MAK: variants seen among roughly 807,000 people sequenced by gnomAD.
The protein encoded by MAK is serine/threonine-protein kinase MAK.
MAK carries 65 observed loss-of-function variants against 82.6 expected under a neutral mutation model. The ratio of observed to expected loss-of-function variants is 0.79; its 90% CI spans 0.64 to 0.97. The LOEUF (loss-of-function observed/expected upper bound fraction) is 0.97. Among genes scored for constraint, MAK ranks in the 50% least tolerant of loss-of-function variants. MAK has a pLI of 0.00. For synonymous variants in MAK, 250 were observed against 274.2 expected (o/e 0.91, Z 0.87); for missense variants, 703 against 780.2 (o/e 0.90, Z 1.18).
intron 8 of MAK, among the ~76,000 whole-genome samples, chr6:10,801,057 C>T (rs950964454): frequency 6.8e-6 from 1 of 146,872 alleles, no homozygotes; most frequent in Non-Finnish European, 1.5e-5. Context: ...AGTACTTCCA[C>T]TGTTACCATC....
Position 10,770,089 on chromosome 6 carries a change from CTG to C in MAK, c.1792+20_1792+21del, listed in dbSNP as rs765829552. The stretch of plus-strand genomic sequence containing the variant: ...TCCTTTCTGCTAGGAATCTAGAAAA[CTG>C]TATCTGAAGTTGTTCCTACCTGAAG... On this transcript the variant is annotated intron_variant, in intron 14 of 14. Transcript: ENST00000354489. The C allele has an allele frequency of 1.5e-5, 24 of 1,614,016 alleles. No individual in the cohort carries two copies. The highest frequency in any genetic ancestry group is 1.9e-5 in the Non-Finnish European group (22 of 1,180,006).
In MAK at chr6:10,791,837, C is replaced by A; in HGVS notation, c.1154G>T (p.Gly385Val). Residue 385 changes from glycine (G) to valine (V), a missense_variant, in exon 10 of 15, where the codon GGC becomes GTC. By Grantham distance (109) the Gly-to-Val change is moderately radical (BLOSUM62 -3). Transcript: ENST00000354489. ...IVKNMPTKPN[G>V]TLSHKSGRRR... ...CCTACCACTTTTATGACTCAGTGTG[C>A]CATTTGGCTTCTGTGGTGGAAAATC... is the stretch of plus-strand genomic sequence containing the variant. The A allele has an allele frequency of 1.2e-6, 2 of 1,614,112 alleles. No homozygotes were observed. The highest frequency in any genetic ancestry group is 1.7e-6 in the Non-Finnish European group (2 of 1,180,022).
intron 4 of MAK, among the ~76,000 whole-genome samples, chr6:10,814,916 A>G (rs1481519768): frequency 6.6e-6 from 1 of 152,078 alleles, no homozygotes; most frequent in Non-Finnish European, 1.5e-5. Context: ...ACATGCCTGT[A>G]ATCCCAGCTA....
Position 10,772,299 on chromosome 6 carries a change from G to A in MAK, c.1672+735C>T, listed in dbSNP as rs576008425. ...GAAACCAGTAACACTGAACCCCTAG[G>A]AAATCCACCATCTCTATTAACCCAG... is the stretch of plus-strand genomic sequence containing the variant. On this transcript the variant is annotated intron_variant, in intron 13 of 14. Transcript: ENST00000354489. Among the ~76,000 whole-genome samples the A allele has an allele frequency of 1.8e-3, 274 of 151,922 alleles. 1 individual carries two copies. Among genetic ancestry groups the A allele is most frequent in the African/African-American group, 6.0e-3 (248 of 41,436 alleles).
chr6:10,808,793 G>A lies in MAK; in HGVS notation c.491+17C>T. 5 of 1,613,082 alleles carry A rather than the reference G, an allele frequency of 3.1e-6. No homozygotes were observed. Among genetic ancestry groups the A allele is most frequent in the Non-Finnish European group, 4.2e-6 (5 of 1,179,236 alleles). ...CATAGGCTTATGCCTCAGGAGGGCT[G>A]CATAACCCCTACTCACCATCTGGTA... On this transcript the variant is annotated intron_variant, in intron 6 of 14. Coordinates refer to ENST00000354489, the MANE Select transcript of MAK (RefSeq NM_001242957.3).
At chr6:10,769,687 A>G (rs981907670) in intron 14 of MAK, among the ~76,000 whole-genome samples, 1 of 152,202 alleles carries the variant, frequency 6.6e-6, no homozygotes, top group African/African-American at 2.4e-5. Flanking sequence ...GCATTTTCTC[A>G]CATCTCTCTG....
At chr6:10,804,963 A>G (rs920554567) in intron 6 of MAK, among the ~76,000 whole-genome samples, 3 of 151,188 alleles carry the variant, frequency 2.0e-5, no homozygotes, top group African/African-American at 7.3e-5. Context: ...CCCCAAGTCT[A>G]CAAGTTTTCT....
At chr6:10,784,891 TGA>T in intron 10 of MAK, 1 of 515,678 alleles carries the variant, frequency 1.9e-6, no homozygotes, top group Non-Finnish European at 3.8e-6. Flanking sequence ...ACTGGTGTGC[TGA>T]GAGGGAAATA....
chr6:10,787,013 C>T (rs574567822), intron 10 of MAK, among the ~76,000 whole-genome samples: 247 of 134,682 alleles, frequency 1.8e-3, no homozygotes, highest in Non-Finnish European at 2.6e-3. Flanking sequence ...TCCGCTAATG[C>T]ACCAGTTCAC....
rs2127572091 is a variant in MAK at position 10,813,714 on chromosome 6, C to A, written c.288G>T (p.Leu96Phe). The A allele has an allele frequency of 6.3e-7, 1 of 1,586,760 alleles. No homozygotes were observed. The highest frequency in any genetic ancestry group is 1.7e-5 in the Admixed American group (1 of 59,952). ...LYQLMKDRNK[L>F]FPESVIRNIM... ...TATTTCTGATGACTGATTCAGGGAA[C>A]AACTTGTTTCTGTAAAGAAATGAAC... The change falls in exon 5 of 15, where the codon TTG becomes TTT. Residue 96 changes from leucine to phenylalanine, a missense_variant. Transcript: ENST00000354489.
At chr6:10,790,755 C>T (rs1479889960) in intron 10 of MAK, among the ~76,000 whole-genome samples, 1 of 152,194 alleles carries the variant, frequency 6.6e-6, no homozygotes, top group African/African-American at 2.4e-5. Context: ...ACGTTTTGGA[C>T]ATCTGTCCTC....
chr6:10,816,851 T>TA (rs2127575578), intron 4 of MAK, among the ~76,000 whole-genome samples: 1 of 152,184 alleles, frequency 6.6e-6, no homozygotes, highest in South Asian at 2.1e-4. Flanking sequence ...AGTATCCACA[T>TA]AAAAAATACT....
chr6:10,808,324 T>C (rs981252525), intron 6 of MAK, among the ~76,000 whole-genome samples: 2 of 152,250 alleles, frequency 1.3e-5, no homozygotes, highest in Admixed American at 6.5e-5. Context: ...GTTCTCATTG[T>C]TGCAAAGCAT....
intron 5 of MAK, among the ~76,000 whole-genome samples, chr6:10,809,700 CTG>C (rs1258934061): frequency 6.6e-6 from 1 of 152,186 alleles, no homozygotes; most frequent in African/African-American, 2.4e-5. Flanking sequence ...TCCTCAATAG[CTG>C]TGTCGTTGCA....
At chr6:10,781,972 G>C (rs570837120) in intron 11 of MAK, among the ~76,000 whole-genome samples, 1 of 152,148 alleles carries the variant, frequency 6.6e-6, no homozygotes, top group South Asian at 2.1e-4. Context: ...CTTTGGGAAC[G>C]AGGTGGGTGG....
At chr6:10,764,969 G>T (rs1244697940) in intron 14 of MAK, among the ~76,000 whole-genome samples, 1 of 151,930 alleles carries the variant, frequency 6.6e-6, no homozygotes, top group Admixed American at 6.6e-5. Flanking sequence ...GGTGGCGGGT[G>T]ACTGTAATCC....
intron 14 of MAK, among the ~76,000 whole-genome samples, chr6:10,769,829 A>C (rs1772828750): frequency 6.6e-6 from 1 of 152,214 alleles, no homozygotes; most frequent in African/African-American, 2.4e-5. Flanking sequence ...CTACATCATC[A>C]GGTTATCATG....
At chr6:10,774,978 T>C (rs1773338710) in intron 12 of MAK, among the ~76,000 whole-genome samples, 1 of 152,188 alleles carries the variant, frequency 6.6e-6, no homozygotes, top group Admixed American at 6.6e-5. Flanking sequence ...AAACCTTTTT[T>C]TTATTATTGT....
chr6:10,801,335 C>T (rs1239623638), intron 8 of MAK, among the ~76,000 whole-genome samples: 1 of 152,180 alleles, frequency 6.6e-6, no homozygotes, highest in African/African-American at 2.4e-5. Context: ...GACAAAAACA[C>T]TGGGTTTAAA....
Sources: gnomAD v4.1 joint callset for allele counts (sites outside exome capture counted in the v4.1 genomes callset) on GRCh38, gnomAD v4.1.1 for gene constraint, MANE v1.5 for transcripts, NCBI Gene and HGNC (gene_info 2026-07-23, HGNC 2026-07-21) for gene names.